Variants in CCDC60 observed in about 807,000 individuals in gnomAD.
The protein encoded by CCDC60 is coiled-coil domain containing 60, also known as coiled-coil domain-containing protein 60.
Under a neutral mutation model 63.5 loss-of-function variants are expected in CCDC60, and 54 were observed. The observed-to-expected ratio is 0.85, with a 90% confidence interval of 0.68 to 1.07. The LOEUF is 1.07. Among genes scored for constraint, CCDC60 ranks in the 50% least tolerant of loss-of-function variants. The pLI, the probability that CCDC60 is intolerant of heterozygous loss-of-function variation, is 0.00. For synonymous variants in CCDC60, 206 were observed against 238.8 expected, an observed-to-expected ratio of 0.86 and a Z score of 1.27; for missense variants, 651 against 684.3, an observed-to-expected ratio of 0.95 and a Z score of 0.54.
intron 13 of CCDC60, among the ~76,000 whole-genome samples, chr12:119,534,517 G>A (rs1295424062): frequency 1.3e-5 from 2 of 152,110 alleles, no homozygotes; most frequent in Non-Finnish European, 2.9e-5. Context: ...AATGCTTCCC[G>A]TTTTTGCCCA....
At chr12:119,366,769 C>T (rs1273908493) in intron 1 of CCDC60, among the ~76,000 whole-genome samples, 1 of 152,088 alleles carries the variant, frequency 6.6e-6, no homozygotes, top group African/African-American at 2.4e-5. Flanking sequence ...CCCATGTACC[C>T]GTGGGATCAA....
At chr12:119,345,909 C>T (rs1592979017) in intron 1 of CCDC60, among the ~76,000 whole-genome samples, 1 of 151,960 alleles carries the variant, frequency 6.6e-6, no homozygotes, top group East Asian at 1.9e-4. Context: ...TCTCCACCTC[C>T]CGGGTTCAAG....
At chr12:119,513,900 T>C (rs1252728678) in intron 7 of CCDC60, among the ~76,000 whole-genome samples, 1 of 152,184 alleles carries the variant, frequency 6.6e-6, no homozygotes, top group Middle Eastern at 3.4e-3. Context: ...ATATAAGTAC[T>C]ACACTTTATT....
In CCDC60 at chr12:119,472,136, G is replaced by C; in HGVS notation, c.313G>C (p.Glu105Gln). The change falls in exon 3 of 14, where the codon GAA becomes CAA. Residue 105 changes from glutamate (E) to glutamine (Q), a missense_variant. By Grantham distance (29) the Glu-to-Gln change is conservative. Coordinates refer to ENST00000327554, the MANE Select transcript of CCDC60 (RefSeq NM_178499.5). ...ATTCCAGCCAGCCGAAAAGATCTCA[G>C]AAATCCACTATGGGGACACCTTATT... is the stretch of plus-strand genomic sequence containing the variant. ...NKFQPAEKIS[E>Q]IHYGDTLLST... The C allele has an allele frequency of 1.2e-6, 2 of 1,614,178 alleles. No individual in the cohort carries two copies. Among genetic ancestry groups the C allele is most frequent in the Non-Finnish European group, 1.7e-6 (2 of 1,180,030 alleles).
intron 1 of CCDC60, among the ~76,000 whole-genome samples, chr12:119,418,414 T>TGGAGA (rs1956748618): frequency 5.8e-5 from 3 of 51,442 alleles, no homozygotes; most frequent in Non-Finnish European, 9.6e-5. Context: ...TTTTTTTTTT[T>TGGAGA]TTTTTTTTTT....
chr12:119,399,345 ATCT>A (rs1956345412), intron 1 of CCDC60, among the ~76,000 whole-genome samples: 1 of 152,182 alleles, frequency 6.6e-6, no homozygotes, highest in Non-Finnish European at 1.5e-5. Flanking sequence ...TTAATTAATC[ATCT>A]TCTCACTGCC....
chr12:119,531,883 G>C (rs1270679757), intron 13 of CCDC60, among the ~76,000 whole-genome samples: 1 of 152,254 alleles, frequency 6.6e-6, no homozygotes, highest in Non-Finnish European at 1.5e-5. Context: ...TAAGGTGTTA[G>C]CAGAGGTTAA....
chr12:119,403,505 T>C (rs1331215621), intron 1 of CCDC60, among the ~76,000 whole-genome samples: 1 of 152,142 alleles, frequency 6.6e-6, no homozygotes, highest in East Asian at 1.9e-4. Flanking sequence ...GAGCATAACA[T>C]TGGGCTTTAA....
At chr12:119,385,081 A>G (rs1276236532) in intron 1 of CCDC60, among the ~76,000 whole-genome samples, 1 of 152,234 alleles carries the variant, frequency 6.6e-6, no homozygotes, top group East Asian at 1.9e-4. Context: ...ACATTGTGTT[A>G]TAGAGCTATG....
chr12:119,538,142 T>C (rs965047991), intron 13 of CCDC60, among the ~76,000 whole-genome samples: 2 of 152,206 alleles, frequency 1.3e-5, no homozygotes, highest in Non-Finnish European at 2.9e-5. Flanking sequence ...CCCCTCCCCC[T>C]GCCAGGCTGC....
chr12:119,529,106 G>T (rs988287574), intron 12 of CCDC60, among the ~76,000 whole-genome samples: 7 of 152,144 alleles, frequency 4.6e-5, no homozygotes, highest in Admixed American at 2.0e-4. Flanking sequence ...GGTGATCACT[G>T]CATCCCCCCA....
chr12:119,467,037 CA>C (rs1290169579), intron 2 of CCDC60, among the ~76,000 whole-genome samples: 2 of 152,224 alleles, frequency 1.3e-5, no homozygotes, highest in Non-Finnish European at 2.9e-5. Flanking sequence ...GAAATTTCTG[CA>C]TAAACTACCG....
intron 2 of CCDC60, among the ~76,000 whole-genome samples, chr12:119,439,278 C>G (rs768594022): frequency 8.6e-5 from 13 of 151,380 alleles, no homozygotes; most frequent in Non-Finnish European, 1.6e-4. Context: ...CACGTGCATG[C>G]ATACACACAC....
intron 1 of CCDC60, among the ~76,000 whole-genome samples, chr12:119,363,538 T>C (rs980050474): frequency 6.6e-6 from 1 of 152,198 alleles, no homozygotes; most frequent in African/African-American, 2.4e-5. Context: ...ATTCTTTTTA[T>C]TATAGTTGGA....
intron 1 of CCDC60, among the ~76,000 whole-genome samples, chr12:119,409,491 G>A (rs1956554652): frequency 6.6e-6 from 1 of 152,142 alleles, no homozygotes; most frequent in Non-Finnish European, 1.5e-5. Flanking sequence ...GGAAGAGGAG[G>A]TATTGCAGCT....
At chr12:119,530,004 A>G (rs532945047) in intron 12 of CCDC60, among the ~76,000 whole-genome samples, 28 of 152,154 alleles carry the variant, frequency 1.8e-4, no homozygotes, top group Admixed American at 4.6e-4. Context: ...TCATCCAATT[A>G]CTCATTCAGT....
intron 3 of CCDC60, among the ~76,000 whole-genome samples, chr12:119,474,166 G>C (rs537933075): frequency 6.6e-6 from 1 of 152,104 alleles, no homozygotes; most frequent in African/African-American, 2.4e-5. Flanking sequence ...TGCAAAGAAC[G>C]GCCATAATAT....
At chr12:119,527,968 G>A (rs796104517) in intron 11 of CCDC60, among the ~76,000 whole-genome samples, 3 of 151,866 alleles carry the variant, frequency 2.0e-5, no homozygotes, top group Non-Finnish European at 2.9e-5. Flanking sequence ...CACTGCGCCC[G>A]GCATCTCAGA....
At chr12:119,426,686 C>A (rs987569361) in intron 1 of CCDC60, among the ~76,000 whole-genome samples, 1 of 152,170 alleles carries the variant, frequency 6.6e-6, no homozygotes, top group Non-Finnish European at 1.5e-5. Flanking sequence ...CAAGTAATAG[C>A]TGCAGTTACA....
Sources: gnomAD v4.1 joint callset for allele counts (sites outside exome capture counted in the v4.1 genomes callset) on GRCh38, gnomAD v4.1.1 for gene constraint, MANE v1.5 for transcripts, NCBI Gene and HGNC (gene_info 2026-07-23, HGNC 2026-07-21) for gene names.